The following FER variants were observed in gnomAD, a reference collection of about 807,000 sequenced individuals.
FER encodes tyrosine-protein kinase Fer.
A neutral mutation model predicts 111.0 loss-of-function variants in FER; 63 were observed. The observed-to-expected ratio is 0.57, with a 90% confidence interval of 0.46 to 0.70. The LOEUF is 0.70. Ranked by LOEUF, FER falls within the 30% of genes least tolerant of loss-of-function variation. FER has a pLI of 0.00. For synonymous variants in FER, 327 were observed against 313.9 expected, an observed-to-expected ratio of 1.04 and a Z score of -0.44; for missense variants, 914 against 954.0, an observed-to-expected ratio of 0.96 and a Z score of 0.55.
intron 15 of FER, 71 bp from the exon 16 acceptor site, chr5:109,047,033 C>T: frequency 3.7e-6 from 3 of 801,116 alleles, no homozygotes; most frequent in Admixed American, 2.5e-5. Flanking sequence ...AGTTGTAAAC[C>T]CTATTTGTGA....
intron 3 of FER, among the ~76,000 whole-genome samples, chr5:108,822,649 A>G (rs779991510): frequency 1.3e-5 from 2 of 152,000 alleles, no homozygotes; most frequent in Non-Finnish European, 2.9e-5. Context: ...TCATGACCCA[A>G]ACACCTTCCA....
intron 10 of FER, among the ~76,000 whole-genome samples, chr5:108,942,494 G>A (rs950240807): frequency 6.6e-6 from 1 of 152,110 alleles, no homozygotes; most frequent in Admixed American, 6.6e-5. Context: ...AGAAAAGACA[G>A]CATGACAAAC....
At chr5:109,054,373 A>G (rs1471836991) in intron 16 of FER, among the ~76,000 whole-genome samples, 1 of 152,176 alleles carries the variant, frequency 6.6e-6, no homozygotes, top group East Asian at 1.9e-4. Flanking sequence ...TTCCCATTGA[A>G]TAATGATGTC....
rs559863761 is a variant in FER, at chr5:109,073,712, A to G, written c.1924+26514A>G. Reference sequence around the variant, plus strand: ...ATCCTCCTCCCCTTCCACATATTCCAAAATTCATGCATACTCAGGTTCTGC... The same window carrying G: ...ATCCTCCTCCCCTTCCACATATTCCGAAATTCATGCATACTCAGGTTCTGC... On this transcript the variant is annotated intron_variant, in intron 16 of 19. Coordinates refer to ENST00000281092, the MANE Select transcript of FER (RefSeq NM_005246.4). Among the ~76,000 whole-genome samples, 6 of 152,186 alleles carry G rather than the reference A, an allele frequency of 3.9e-5. No individual in the cohort carries two copies. The South Asian group carries it at 1.0e-3, about 26-fold the overall frequency.
chr5:108,795,241 CTT>C (rs1755881488), intron 2 of FER, among the ~76,000 whole-genome samples: 1 of 152,292 alleles, frequency 6.6e-6, no homozygotes, highest in African/African-American at 2.4e-5. Flanking sequence ...AGGAGGATCT[CTT>C]TAGCCCAGGA....
chr5:108,999,495 A>G (rs1459624077), intron 13 of FER, among the ~76,000 whole-genome samples: 1 of 152,170 alleles, frequency 6.6e-6, no homozygotes, highest in Non-Finnish European at 1.5e-5. Context: ...CACAAACAGA[A>G]CATACAGAAG....
At position 109,140,975 on chromosome 5, in the gene FER, A is replaced by G. The variant is rs183165441; in HGVS notation, c.2049-39772A>G. Among the ~76,000 whole-genome samples, 4 of 152,274 alleles carry G rather than the reference A, an allele frequency of 2.6e-5. No homozygotes were observed. In the East Asian group the frequency reaches 7.7e-4, roughly 29 times the overall value. On this transcript the variant is annotated intron_variant, in intron 17 of 19. Coordinates refer to ENST00000281092, the MANE Select transcript of FER (RefSeq NM_005246.4). Reference sequence around the variant, plus strand: ...GGACCCATATTCCACAGTAGCTCCTATTCTTCCATATCTCGAGCATACCAT... The same window carrying G: ...GGACCCATATTCCACAGTAGCTCCTGTTCTTCCATATCTCGAGCATACCAT...
intron 10 of FER, among the ~76,000 whole-genome samples, chr5:108,938,305 A>G (rs1755797221): frequency 6.6e-6 from 1 of 152,002 alleles, no homozygotes; most frequent in African/African-American, 2.4e-5. Context: ...AAACAAAATG[A>G]AGAGGTTCCT....
At chr5:108,911,117 T>A (rs1751489517) in intron 10 of FER, among the ~76,000 whole-genome samples, 1 of 152,148 alleles carries the variant, frequency 6.6e-6, no homozygotes. Context: ...TTTCACCACA[T>A]CCGCACTAGC....
chr5:109,115,969 A>T (rs928582823), intron 17 of FER, among the ~76,000 whole-genome samples: 6 of 152,068 alleles, frequency 3.9e-5, no homozygotes, highest in African/African-American at 1.4e-4. Flanking sequence ...GAGGTTTTTC[A>T]TATAAAAGAA....
chr5:109,144,066 A>T (rs375540795), intron 17 of FER, among the ~76,000 whole-genome samples: 1 of 151,938 alleles, frequency 6.6e-6, no homozygotes, highest in Non-Finnish European at 1.5e-5. Flanking sequence ...GTAAATGTCA[A>T]ATCCATTACT....
At chr5:108,801,805 A>G (rs551443383) in intron 3 of FER, among the ~76,000 whole-genome samples, 4 of 152,274 alleles carry the variant, frequency 2.6e-5, no homozygotes, top group South Asian at 4.1e-4. Flanking sequence ...TCTTTTTGGC[A>G]TATCCAAATT....
intron 10 of FER, among the ~76,000 whole-genome samples, chr5:108,909,203 A>G (rs1021049564): frequency 7.2e-5 from 11 of 152,200 alleles, no homozygotes; most frequent in Non-Finnish European, 1.5e-5. Context: ...GAAAGTTTTT[A>G]TAAAGAGAAT....
chr5:109,015,244 T>G (rs1470748635), intron 13 of FER, among the ~76,000 whole-genome samples: 1 of 152,112 alleles, frequency 6.6e-6, no homozygotes, highest in African/African-American at 2.4e-5. Context: ...TCCATTTTGA[T>G]TTTGCTGTTC....
chr5:109,009,370 T>G (rs1765942735), intron 13 of FER, among the ~76,000 whole-genome samples: 2 of 152,018 alleles, frequency 1.3e-5, no homozygotes, highest in Non-Finnish European at 2.9e-5. Flanking sequence ...ACTCCTTTCT[T>G]ATGAAGTAAC....
At position 109,040,974 on chromosome 5, in the gene FER, C is replaced by G. The variant is rs549607826; in HGVS notation, c.1713+3496C>G. Among the ~76,000 whole-genome samples, 3 of 152,080 alleles carry G rather than the reference C, an allele frequency of 2.0e-5. No individual in the cohort carries two copies. In the East Asian group the frequency reaches 5.8e-4, roughly 29 times the overall value. On this transcript the variant is annotated intron_variant, in intron 14 of 19. Transcript: ENST00000281092. Reference sequence around the variant, plus strand: ...AGAGCCCAGAGTTCTCTTTATATTGCTTCAATTCTTGAAATGAAGTAGGAA... The same window carrying G: ...AGAGCCCAGAGTTCTCTTTATATTGGTTCAATTCTTGAAATGAAGTAGGAA...
intron 10 of FER, among the ~76,000 whole-genome samples, chr5:108,927,867 G>A (rs182315592): frequency 2.2e-3 from 331 of 152,302 alleles, no homozygotes; most frequent in African/African-American, 7.5e-3. Context: ...GCAAATTTAA[G>A]TCAAGAGACT....
At chr5:108,857,780 T>G (rs1763140286) in intron 5 of FER, among the ~76,000 whole-genome samples, 1 of 152,186 alleles carries the variant, frequency 6.6e-6, no homozygotes, top group Admixed American at 6.5e-5. Context: ...ATTCTGATTT[T>G]TATTCATGGA....
intron 3 of FER, among the ~76,000 whole-genome samples, chr5:108,827,322 A>G (rs2150120237): frequency 6.6e-6 from 1 of 152,338 alleles, no homozygotes; most frequent in African/African-American, 2.4e-5. Flanking sequence ...GTAATTAGCA[A>G]GGGACAGCAC....
Sources: allele counts gnomAD v4.1 joint callset (sites outside exome capture counted in the v4.1 genomes callset), GRCh38; gene constraint gnomAD v4.1.1; transcripts MANE v1.5; gene names NCBI Gene and HGNC (gene_info 2026-07-23, HGNC 2026-07-21).